PPP2R2C: variants seen among roughly 807,000 people sequenced by gnomAD.
The protein encoded by PPP2R2C is protein phosphatase 2, regulatory subunit B, gamma.
A neutral mutation model predicts 45.3 loss-of-function variants in PPP2R2C; 10 were observed. The ratio of observed to expected loss-of-function variants is 0.22; its 90% confidence interval spans 0.14 to 0.37. PPP2R2C has a LOEUF of 0.37. PPP2R2C is among the 10% of genes least tolerant of loss of function. The pLI, the probability that PPP2R2C is intolerant of heterozygous loss-of-function variation, is 1.00. For synonymous variants in PPP2R2C, 257 were observed against 245.4 expected (o/e 1.05, Z -0.44); for missense variants, 308 against 619.7 (o/e 0.50, Z 5.34).
intron 5 of PPP2R2C, among the ~76,000 whole-genome samples, chr4:6,358,358 T>C (rs2109257854): frequency 6.6e-6 from 1 of 152,208 alleles, no homozygotes; most frequent in Non-Finnish European, 1.5e-5. Flanking sequence ...AAGACTTAAA[T>C]GTTAGACCTA....
intron 2 of PPP2R2C, among the ~76,000 whole-genome samples, chr4:6,516,033 C>G (rs955984409): frequency 2.6e-5 from 4 of 152,234 alleles, no homozygotes; most frequent in African/African-American, 9.6e-5. Flanking sequence ...AGGACCCATC[C>G]TGCTCCAGTA....
At position 6,323,560 on chromosome 4, in the gene PPP2R2C, G is replaced by A; in HGVS notation, c.1086C>T (p.Phe362=). The A allele has an allele frequency of 1.3e-6, 2 of 1,579,138 alleles. No individual in the cohort carries two copies. Among genetic ancestry groups the A allele is most frequent in the Non-Finnish European group, 1.7e-6 (2 of 1,154,528 alleles). Residue 362 remains phenylalanine (F), a synonymous_variant, in exon 9 of 9, where the codon TTC becomes TTT. Transcript: ENST00000382599. ...VIMTGAYNNF[F]RMFDRNTKRD... is the part of the protein sequence containing the mutation. The stretch of plus-strand genomic sequence containing the variant: ...GCTTGGTGTTCCGATCGAACATGCG[G>A]AAGAAGTTGTTGTAGGCCCCGGTCA...
chr4:6,436,704 G>A (rs1210081446), intron 1 of PPP2R2C, among the ~76,000 whole-genome samples: 5 of 152,178 alleles, frequency 3.3e-5, no homozygotes, highest in Non-Finnish European at 5.9e-5. Context: ...TAAATACAGG[G>A]CCACACTGTC....
In PPP2R2C at chr4:6,368,126, C is replaced by T. The variant is rs759702321; in HGVS notation, c.625+4397G>A. Among the ~76,000 whole-genome samples, 1 of 152,192 alleles carries T rather than the reference C, an allele frequency of 6.6e-6. No homozygotes were observed. The highest frequency in any genetic ancestry group is 2.4e-5 in the African/African-American group (1 of 41,430). On this transcript the variant is annotated intron_variant, in intron 5 of 8. Transcript: ENST00000382599. The surrounding 1 kb of genome is among the most constrained non-coding windows in gnomAD (Gnocchi z 4.2). ...GGCCCCCGATCTGCTGACACTCCTC[C>T]CTTGTCACTGTCCCTCACCTGGCTC...
intron 1 of PPP2R2C, among the ~76,000 whole-genome samples, chr4:6,414,575 G>C (rs371812513): frequency 6.6e-6 from 1 of 151,948 alleles, no homozygotes; most frequent in East Asian, 1.9e-4. Context: ...CCAGTATCTG[G>C]ATCTCATTTC....
At chr4:6,506,836 G>A (rs772377489) in intron 2 of PPP2R2C, among the ~76,000 whole-genome samples, 14 of 152,300 alleles carry the variant, frequency 9.2e-5, no homozygotes, top group Non-Finnish European at 1.6e-4. Context: ...TCTGGTGGTC[G>A]ATGCTGGCCA....
intron 1 of PPP2R2C, among the ~76,000 whole-genome samples, chr4:6,392,956 A>G (rs1298761918): frequency 6.6e-6 from 1 of 152,198 alleles, no homozygotes; most frequent in East Asian, 1.9e-4. Context: ...CATCTGCCTT[A>G]TATGGCTTCT....
chr4:6,449,969 G>A (rs1720648704), intron 1 of PPP2R2C, among the ~76,000 whole-genome samples: 1 of 152,200 alleles, frequency 6.6e-6, no homozygotes. Context: ...GCTTCCCCGG[G>A]AGCTGCCGAG....
At chr4:6,525,697 G>A (rs1435555469) in intron 2 of PPP2R2C, among the ~76,000 whole-genome samples, 1 of 151,972 alleles carries the variant, frequency 6.6e-6, no homozygotes, top group Non-Finnish European at 1.5e-5. Flanking sequence ...TTTCAACACA[G>A]ACTGTCCTTT....
At chr4:6,472,774 A>T (rs1047356259), upstream of PPP2R2C, among the ~76,000 whole-genome samples, 3 of 150,062 alleles carry the variant, frequency 2.0e-5, no homozygotes, top group African/African-American at 7.3e-5. Context: ...TGGGTGCGCC[A>T]CGGGGGAGGG....
intron 1 of PPP2R2C, chr4:6,381,547 T>A: frequency 7.1e-7 from 1 of 1,406,912 alleles, no homozygotes; most frequent in Admixed American, 3.0e-5. Context: ...AACCCTCTGC[T>A]AGGGGCCCAC....
chr4:6,486,776 G>C (rs942919773), intron 2 of PPP2R2C, among the ~76,000 whole-genome samples: 3 of 151,980 alleles, frequency 2.0e-5, no homozygotes, highest in Non-Finnish European at 2.9e-5. Flanking sequence ...GCATATATTT[G>C]GGTCTTGCCT....
At chr4:6,433,537 A>G (rs1173781402) in intron 1 of PPP2R2C, among the ~76,000 whole-genome samples, 2 of 152,136 alleles carry the variant, frequency 1.3e-5, no homozygotes, top group African/African-American at 4.8e-5. Flanking sequence ...GCCCCAGGCT[A>G]AGGCCCCCTC....
At position 6,404,323 on chromosome 4, in the gene PPP2R2C, C is replaced by T. The variant is rs964643362; in HGVS notation, c.71-23229G>A. ...ACAGCAAGGGGCAGGCACACAGAGG[C>T]GCCCTGTTGAACTTGTTCTTCCATG... On this transcript the variant is annotated intron_variant, in intron 1 of 8. Coordinates refer to ENST00000382599, the MANE Select transcript of PPP2R2C (RefSeq NM_020416.4). 2.0e-5 allele frequency among the ~76,000 whole-genome samples: 3 copies of T among 152,160 alleles called. 1 individual carries two copies. The highest frequency in any genetic ancestry group is 6.5e-5 in the Admixed American group (1 of 15,276).
At chr4:6,543,891 G>A (rs146892107) in intron 1 of PPP2R2C, among the ~76,000 whole-genome samples, 1 of 152,308 alleles carries the variant, frequency 6.6e-6, no homozygotes, top group East Asian at 1.9e-4. Context: ...ACGTGGGTCT[G>A]CTCTCCGTAA....
At chr4:6,542,984 C>A (rs1187443244) in intron 1 of PPP2R2C, among the ~76,000 whole-genome samples, 1 of 152,196 alleles carries the variant, frequency 6.6e-6, no homozygotes, top group African/African-American at 2.4e-5. Flanking sequence ...AGCAGGGAGG[C>A]CTGCATTTCA....
At chr4:6,439,349 T>G (rs1190518755) in intron 1 of PPP2R2C, among the ~76,000 whole-genome samples, 1 of 152,220 alleles carries the variant, frequency 6.6e-6, no homozygotes, top group Non-Finnish European at 1.5e-5. Context: ...GTGCACTGAT[T>G]TATGACACTA....
intron 2 of PPP2R2C, among the ~76,000 whole-genome samples, chr4:6,380,554 G>A (rs1274988581): frequency 1.3e-5 from 2 of 152,168 alleles, no homozygotes; most frequent in Admixed American, 1.3e-4. Flanking sequence ...GGTCACCCAG[G>A]CAGAGGAAGG....
intron 4 of PPP2R2C, among the ~76,000 whole-genome samples, chr4:6,374,398 G>T (rs184697134): frequency 6.6e-6 from 1 of 152,262 alleles, no homozygotes; most frequent in East Asian, 1.9e-4. Context: ...AAGGTTTGGG[G>T]GTTTCATGAG....
Sources: gnomAD v4.1 joint callset for allele counts (sites outside exome capture counted in the v4.1 genomes callset) on GRCh38, gnomAD v4.1.1 for gene constraint, Gnocchi (gnomAD v3.1) non-coding constraint, MANE v1.5 for transcripts, NCBI Gene and HGNC (gene_info 2026-07-23, HGNC 2026-07-21) for gene names.